Variants in NCKAP5 observed in about 807,000 individuals in gnomAD.
NCKAP5 encodes the protein NCK associated protein 5.
In NCKAP5, 92 loss-of-function variants were observed where a neutral mutation model predicts 167.0. The ratio of observed to expected loss-of-function variants is 0.55; its 90% CI spans 0.47 to 0.66. NCKAP5 has a LOEUF of 0.66. Among genes scored for constraint, NCKAP5 ranks in the 30% least tolerant of loss-of-function variants. NCKAP5 has a pLI of 0.00. For synonymous variants in NCKAP5, 891 were observed against 877.4 expected (o/e 1.02, Z -0.27); for missense variants, 2,378 against 2,315.0 (o/e 1.03, Z -0.56).
intron 3 of NCKAP5, among the ~76,000 whole-genome samples, chr2:133,440,817 A>T (rs1405738164): frequency 6.6e-6 from 1 of 151,900 alleles, no homozygotes; most frequent in Non-Finnish European, 1.5e-5. Context: ...CTACATTTAA[A>T]CCCCAATTCT....
At chr2:133,238,688 C>T (rs906171450) in intron 4 of NCKAP5, among the ~76,000 whole-genome samples, 4 of 152,156 alleles carry the variant, frequency 2.6e-5, no homozygotes, top group East Asian at 1.9e-4. Flanking sequence ...AATGAAAGGG[C>T]TCAGCAGTAG....
chr2:133,342,513 C>T (rs961972871), intron 3 of NCKAP5, among the ~76,000 whole-genome samples: 9 of 152,168 alleles, frequency 5.9e-5, no homozygotes, highest in Admixed American at 3.3e-4. Flanking sequence ...GAGCCAGAGT[C>T]AGAGAGGCCT....
chr2:133,434,351 T>G (rs918970553), intron 3 of NCKAP5, among the ~76,000 whole-genome samples: 1 of 152,222 alleles, frequency 6.6e-6, no homozygotes, highest in Non-Finnish European at 1.5e-5. Context: ...CTATAAATAA[T>G]TTCAAGGAAA....
In NCKAP5 at chr2:132,757,600, C is replaced by T. The variant is rs975551601; in HGVS notation, c.5128+16216G>A. Among the ~76,000 whole-genome samples, 4 of 152,304 alleles carry T rather than the reference C, an allele frequency of 2.6e-5. No homozygotes were observed. The East Asian group carries it at 7.7e-4, about 29-fold the overall frequency. Reference sequence around the variant, plus strand: ...TTTCATCTCCACAATTTGCCACAGTCCTCACCCAATTTATCATTCTAGCAT... The same window carrying T: ...TTTCATCTCCACAATTTGCCACAGTTCTCACCCAATTTATCATTCTAGCAT... On this transcript the variant is annotated intron_variant, in intron 16 of 19. Coordinates refer to ENST00000409261, the MANE Select transcript of NCKAP5 (RefSeq NM_207363.3).
At chr2:133,172,640 G>A (rs1041015300) in intron 5 of NCKAP5, among the ~76,000 whole-genome samples, 8 of 148,508 alleles carry the variant, frequency 5.4e-5, no homozygotes, top group African/African-American at 9.9e-5. Flanking sequence ...CTGGCTAATC[G>A]TTTTTTTTTT....
intron 6 of NCKAP5, among the ~76,000 whole-genome samples, chr2:133,120,569 C>G (rs2082218943): frequency 6.6e-6 from 1 of 152,172 alleles, no homozygotes; most frequent in South Asian, 2.1e-4. Context: ...ATAAAACACT[C>G]TCAGAAAGTA....
At chr2:133,674,013 G>A in the NCKAP5 span, among the ~76,000 whole-genome samples, 1 of 152,208 alleles carries the variant, frequency 6.6e-6, no homozygotes, top group Non-Finnish European at 1.5e-5. Flanking sequence ...AGGTGTCTGA[G>A]TATGATCCAA....
chr2:132,969,566 T>C (rs2076770815), intron 7 of NCKAP5, among the ~76,000 whole-genome samples: 2 of 152,166 alleles, frequency 1.3e-5, no homozygotes, highest in Non-Finnish European at 2.9e-5. Context: ...GAGTCATTAG[T>C]TGAGGCCAGC....
intron 3 of NCKAP5, among the ~76,000 whole-genome samples, chr2:133,338,573 G>T (rs908159453): frequency 5.9e-5 from 9 of 152,310 alleles, no homozygotes; most frequent in East Asian, 3.9e-4. Flanking sequence ...AAGAAGACAG[G>T]CATAGCTGAT....
chr2:133,137,978 T>C (rs2082856552), intron 5 of NCKAP5, among the ~76,000 whole-genome samples: 1 of 152,150 alleles, frequency 6.6e-6, no homozygotes, highest in Admixed American at 6.5e-5. Flanking sequence ...CTTGGTTAGC[T>C]AAACATTTGA....
the NCKAP5 span, among the ~76,000 whole-genome samples, chr2:133,597,892 G>A: frequency 6.6e-6 from 1 of 151,930 alleles, no homozygotes; most frequent in Non-Finnish European, 1.5e-5. Flanking sequence ...TCCATTCTGC[G>A]ATGTTCTCAT....
At chr2:133,456,569 T>C (rs749471015) in intron 3 of NCKAP5, among the ~76,000 whole-genome samples, 4 of 152,174 alleles carry the variant, frequency 2.6e-5, no homozygotes, top group Non-Finnish European at 4.4e-5. Flanking sequence ...GGGAGAAAGA[T>C]AAATCCTTTT....
At chr2:133,037,621 A>C (rs904629867) in intron 6 of NCKAP5, among the ~76,000 whole-genome samples, 1 of 152,180 alleles carries the variant, frequency 6.6e-6, no homozygotes, top group Admixed American at 6.6e-5. Context: ...CTAGATTCCT[A>C]TCTTTCACCA....
the NCKAP5 span, among the ~76,000 whole-genome samples, chr2:133,647,432 A>AGG: frequency 0.011 from 895 of 80,850 alleles, 51 homozygotes; most frequent in African/African-American, 0.016. Context: ...AAAGAAAGGA[A>AGG]GAAAGAAAGA....
chr2:133,131,015 C>T (rs1000342492), intron 5 of NCKAP5, among the ~76,000 whole-genome samples: 4 of 152,158 alleles, frequency 2.6e-5, no homozygotes, highest in Non-Finnish European at 5.9e-5. Context: ...AGAAGGCAAA[C>T]AGTGACCTCT....
intron 10 of NCKAP5, among the ~76,000 whole-genome samples, 170 bp downstream of exon 10, chr2:132,868,766 A>G (rs981462241): frequency 1.3e-5 from 2 of 152,210 alleles, no homozygotes; most frequent in Admixed American, 6.5e-5. Flanking sequence ...TACAAATTCT[A>G]TTGGTCACTG....
At chr2:133,226,257 A>G (rs1181928564) in intron 4 of NCKAP5, among the ~76,000 whole-genome samples, 1 of 152,118 alleles carries the variant, frequency 6.6e-6, no homozygotes, top group Admixed American at 6.5e-5. Context: ...GGTGGTTTTT[A>G]GGCTAAATTG....
intron 4 of NCKAP5, among the ~76,000 whole-genome samples, chr2:133,272,131 T>C: frequency 6.6e-6 from 1 of 151,398 alleles, no homozygotes; most frequent in Non-Finnish European, 1.5e-5. Flanking sequence ...AATTATAAGA[T>C]GGAAAGAAAG....
chr2:133,379,420 A>G (rs1374241733), intron 3 of NCKAP5, among the ~76,000 whole-genome samples: 3 of 152,218 alleles, frequency 2.0e-5, no homozygotes, highest in Non-Finnish European at 4.4e-5. Flanking sequence ...CCAAAGCTAG[A>G]GAAGTCTCAG....
Sources: gnomAD v4.1 joint callset for allele counts (sites outside exome capture counted in the v4.1 genomes callset) on GRCh38, gnomAD v4.1.1 for gene constraint, MANE v1.5 for transcripts, NCBI Gene and HGNC (gene_info 2026-07-23, HGNC 2026-07-21) for gene names.